The following ZFYVE1 variants were observed in gnomAD, a reference collection of about 807,000 sequenced individuals.
ZFYVE1 encodes the protein zinc finger FYVE-type containing 1.
In ZFYVE1, 30 loss-of-function variants were observed where a neutral mutation model predicts 74.4. The observed-to-expected ratio is 0.40, with a 90% CI of 0.30 to 0.55. The LOEUF is 0.55. Ranked by LOEUF, ZFYVE1 falls within the 20% of genes least tolerant of loss-of-function variation. ZFYVE1 has a pLI of 0.42. For synonymous variants in ZFYVE1, 335 were observed against 385.1 expected, an observed-to-expected ratio of 0.87 and a Z score of 1.52; for missense variants, 703 against 1,011.6, an observed-to-expected ratio of 0.69 and a Z score of 4.14.
chr14:73,023,341 TTA>T (rs1346663649), intron 2 of ZFYVE1, among the ~76,000 whole-genome samples: 25 of 110,506 alleles, frequency 2.3e-4, no homozygotes, highest in African/African-American at 7.9e-4. Context: ...TATATATGTT[TTA>T]TATATAATAT....
At chr14:72,985,570 GATCCACCCAACTC>G (rs1479545880) in intron 4 of ZFYVE1, among the ~76,000 whole-genome samples, 1 of 150,964 alleles carries the variant, frequency 6.6e-6, no homozygotes, top group Non-Finnish European at 1.5e-5. Flanking sequence ...GACCTCAAGT[GATCCACCCAACTC>G]AGCCTCCCAA....
chr14:73,003,559 A>G (rs1475706712), intron 2 of ZFYVE1, among the ~76,000 whole-genome samples: 2 of 152,112 alleles, frequency 1.3e-5, no homozygotes, highest in African/African-American at 4.8e-5. Context: ...AAAATCAAAA[A>G]ATTAGCTGGG....
At chr14:72,973,102 GC>G (rs1178634863) in intron 11 of ZFYVE1, among the ~76,000 whole-genome samples, 1 of 152,162 alleles carries the variant, frequency 6.6e-6, no homozygotes, top group Non-Finnish European at 1.5e-5. Flanking sequence ...TGACACTCCT[GC>G]CCCCTCCCTT....
intron 2 of ZFYVE1, among the ~76,000 whole-genome samples, chr14:73,015,404 G>GAGGGGAAGGAATAGGGGAAGGAA (rs1810398897): frequency 3.0e-3 from 1 of 332 alleles, no homozygotes; most frequent in African/African-American, 7.8e-3. Flanking sequence ...GGGGAAGGAA[G>GAGGGGAAGGAATAGGGGAAGGAA]GGGGGGGAAG....
Position 73,024,358 on chromosome 14 carries a change from G to A in ZFYVE1, c.151C>T (p.Arg51Trp), listed in dbSNP as rs368087773. 283 of 1,613,984 alleles carry A rather than the reference G, an allele frequency of 1.8e-4. No individual in the cohort carries two copies. The highest frequency in any genetic ancestry group is 2.3e-4 in the Non-Finnish European group (270 of 1,180,034). The part of the protein sequence containing the change: ...QCLRCEEELH[R>W]QERLRNHERI... The stretch of plus-strand genomic sequence containing the variant: ...TCATGGTTTCTCAGGCGCTCCTGCC[G>A]ATGGAGCTCCTCCTCGCAGCGGAGA... Residue 51 changes from arginine to tryptophan, a missense_variant, in exon 2 of 12, where the codon CGG (arginine) becomes TGG (tryptophan). By Grantham distance (101) the Arg-to-Trp change is moderately radical. Around this residue, in one of 2 missense-constraint regions of ZFYVE1, gnomAD observed 211 missense variants for 221.7 expected, o/e 0.95. Coordinates refer to ENST00000556143, the MANE Select transcript of ZFYVE1 (RefSeq NM_021260.4).
At chr14:73,011,274 C>G (rs1336212484) in intron 2 of ZFYVE1, among the ~76,000 whole-genome samples, 1 of 151,746 alleles carries the variant, frequency 6.6e-6, no homozygotes, top group Non-Finnish European at 1.5e-5. Context: ...CACTCGAGGC[C>G]AGGAGGTTCG....
At chr14:73,013,599 CA>C (rs1303639210) in intron 2 of ZFYVE1, among the ~76,000 whole-genome samples, 60 of 134,696 alleles carry the variant, frequency 4.5e-4, no homozygotes, top group Admixed American at 3.8e-4. Context: ...AACTCCATCT[CA>C]AAAAAAAAAA....
chr14:73,021,847 T>A (rs779958781), intron 2 of ZFYVE1, among the ~76,000 whole-genome samples: 5 of 152,202 alleles, frequency 3.3e-5, no homozygotes, highest in Non-Finnish European at 5.9e-5. Context: ...TTCATTACAC[T>A]TCTTTATATG....
At chr14:72,971,634 G>A (rs544575571) in intron 11 of ZFYVE1, among the ~76,000 whole-genome samples, 2 of 152,128 alleles carry the variant, frequency 1.3e-5, no homozygotes, top group South Asian at 2.1e-4. Flanking sequence ...GAGCCACCAC[G>A]CCCTTTCTTT....
intron 2 of ZFYVE1, among the ~76,000 whole-genome samples, chr14:73,019,118 A>G (rs1006254221): frequency 6.6e-6 from 1 of 152,164 alleles, no homozygotes; most frequent in Non-Finnish European, 1.5e-5. Flanking sequence ...CACTCAAATG[A>G]CAAGGTAATG....
Position 72,974,264 on chromosome 14 carries a change from AGCAGAAC to A in ZFYVE1, c.1988-78_1988-72del, listed in dbSNP as rs1274143875. On this transcript the variant is annotated intron_variant, in intron 10 of 11. Coordinates refer to ENST00000556143, the MANE Select transcript of ZFYVE1 (RefSeq NM_021260.4). ...CCAAATGGAAAACTCAGGGACCAAT[AGCAGAAC>A]GCTTCTGGATTCTGATCCCAGACAC... 3 of 1,404,528 alleles carry A rather than the reference AGCAGAAC, an allele frequency of 2.1e-6. No individual in the cohort carries two copies. In the Admixed American group the frequency reaches 5.1e-5, roughly 24 times the overall value. The allele number at this position is 1,404,528 out of a possible 1,614,324, so 87.0% of individuals were successfully genotyped here.
At chr14:72,998,849 T>G (rs12590000) in intron 2 of ZFYVE1, among the ~76,000 whole-genome samples, 2,484 of 135,336 alleles carry the variant, frequency 0.018, 54 homozygotes, top group East Asian at 0.055. Context: ...AGACCCTGCC[T>G]CAAAAAAAAA....
chr14:72,977,346 C>T lies in ZFYVE1; in HGVS notation c.1635+581G>A, dbSNP rs374625426. On this transcript the variant is annotated intron_variant, in intron 8 of 11. Transcript: ENST00000556143. ...ACTTGAACCCGGGAGGTGGAGATTG[C>T]AGTGAGCCAAGAGAGCCAAGATCTC... Among the ~76,000 whole-genome samples, 13 of 151,960 alleles carry T rather than the reference C, an allele frequency of 8.6e-5. No homozygotes were observed. The East Asian group carries it at 1.5e-3, about 18-fold the overall frequency.
At chr14:72,994,304 C>G (rs1225315735) in intron 3 of ZFYVE1, among the ~76,000 whole-genome samples, 2 of 111,588 alleles carry the variant, frequency 1.8e-5, no homozygotes, top group Non-Finnish European at 3.3e-5. Context: ...GCCTGGGAGA[C>G]AGAGCGAGAC....
At chr14:72,991,309 C>T (rs1269458942) in intron 4 of ZFYVE1, among the ~76,000 whole-genome samples, 1 of 151,872 alleles carries the variant, frequency 6.6e-6, no homozygotes, top group Non-Finnish European at 1.5e-5. Context: ...CCTGCCTCAG[C>T]CTCCCAAGTA....
chr14:72,999,815 T>C (rs1011587185), intron 2 of ZFYVE1, among the ~76,000 whole-genome samples: 1 of 152,148 alleles, frequency 6.6e-6, no homozygotes, highest in African/African-American at 2.4e-5. Flanking sequence ...ATCTCAGCAC[T>C]TTGGGAGGCC....
intron 4 of ZFYVE1, among the ~76,000 whole-genome samples, chr14:72,989,219 C>A (rs1893553690): frequency 1.3e-5 from 2 of 152,154 alleles, no homozygotes; most frequent in African/African-American, 2.4e-5. Context: ...AGCCACAGCA[C>A]CCAGCCAGCA....
chr14:73,006,836 C>T (rs888377088), intron 2 of ZFYVE1, among the ~76,000 whole-genome samples: 6 of 150,924 alleles, frequency 4.0e-5, no homozygotes, highest in African/African-American at 9.7e-5. Flanking sequence ...CTGCCTCAGC[C>T]TCCTGAGTAG....
chr14:72,981,231 G>A (rs1470999498), intron 5 of ZFYVE1, among the ~76,000 whole-genome samples: 1 of 152,168 alleles, frequency 6.6e-6, no homozygotes, highest in Non-Finnish European at 1.5e-5. Flanking sequence ...CAATGCAGAG[G>A]TCCTACACAC....
Sources: gnomAD v4.1 joint callset for allele counts (sites outside exome capture counted in the v4.1 genomes callset) on GRCh38, gnomAD v4.1.1 for gene constraint, gnomAD v4.1.1 regional missense constraint, MANE v1.5 for transcripts, NCBI Gene and HGNC (gene_info 2026-07-23, HGNC 2026-07-21) for gene names.